The following NRG1 variants were observed in gnomAD, a reference collection of about 807,000 sequenced individuals.
NRG1 encodes pro-neuregulin-1, membrane-bound isoform.
In NRG1, 18 loss-of-function variants were observed where a neutral mutation model predicts 63.8. The observed-to-expected ratio is 0.28, with a 90% CI of 0.19 to 0.42. The LOEUF is 0.42. Among genes scored for constraint, NRG1 ranks in the 10% least tolerant of loss-of-function variants. The pLI is 1.00. For missense variants in NRG1, 762 were observed against 814.7 expected (o/e 0.94, Z 0.79); for synonymous variants, 302 against 301.3 (o/e 1.00, Z -0.02).
At chr8:32,351,564 C>A (rs762138328) in intron 1 of NRG1, among the ~76,000 whole-genome samples, 49 of 152,146 alleles carry the variant, frequency 3.2e-4, no homozygotes, top group Non-Finnish European at 2.1e-4. Flanking sequence ...CTCTTTACTT[C>A]CTACAGTTCC....
At chr8:31,653,563 T>C (rs1805119792) in intron 1 of NRG1, among the ~76,000 whole-genome samples, 1 of 152,230 alleles carries the variant, frequency 6.6e-6, no homozygotes, top group Admixed American at 6.5e-5. Flanking sequence ...TAATGGCCTT[T>C]CTATTCCCTG....
intron 1 of NRG1, among the ~76,000 whole-genome samples, chr8:31,773,795 C>G (rs1286085388): frequency 6.6e-6 from 1 of 152,058 alleles, no homozygotes. Flanking sequence ...TAATGATCCC[C>G]CCAGCTGATA....
intron 1 of NRG1, among the ~76,000 whole-genome samples, chr8:32,044,377 C>T (rs939249936): frequency 2.6e-5 from 4 of 151,756 alleles, no homozygotes; most frequent in Non-Finnish European, 5.9e-5. Context: ...ACAGTACTTT[C>T]TAGAAAATTG....
intron 1 of NRG1, among the ~76,000 whole-genome samples, chr8:32,193,304 TTGTGTG>T (rs142841681): frequency 6.8e-6 from 1 of 147,954 alleles, no homozygotes; most frequent in African/African-American, 2.5e-5. Flanking sequence ...TTTTCTACCT[TTGTGTG>T]TGTGTGTGTG....
intron 1 of NRG1, among the ~76,000 whole-genome samples, chr8:32,006,771 C>A (rs1813846295): frequency 1.3e-5 from 2 of 151,994 alleles, no homozygotes; most frequent in Admixed American, 1.3e-4. Context: ...AAAGTGGTTT[C>A]TTCCCCCACA....
intron 1 of NRG1, among the ~76,000 whole-genome samples, chr8:31,697,300 T>C (rs1448800102): frequency 4.6e-5 from 7 of 152,184 alleles, no homozygotes; most frequent in Non-Finnish European, 1.0e-4. Context: ...TTTGGTAGTT[T>C]TAATTTCTTT....
At chr8:31,714,528 T>A (rs910909935) in intron 1 of NRG1, among the ~76,000 whole-genome samples, 1 of 152,206 alleles carries the variant, frequency 6.6e-6, no homozygotes, top group East Asian at 1.9e-4. Flanking sequence ...GACTGCTTTG[T>A]TACTATTCTG....
At chr8:31,782,757 A>C (rs1819811052) in intron 1 of NRG1, among the ~76,000 whole-genome samples, 1 of 152,164 alleles carries the variant, frequency 6.6e-6, no homozygotes, top group Non-Finnish European at 1.5e-5. Flanking sequence ...GTGAATCGAC[A>C]GAGGATCTCG....
chr8:31,880,499 C>A (rs944895903), intron 1 of NRG1, among the ~76,000 whole-genome samples: 11 of 152,150 alleles, frequency 7.2e-5, no homozygotes, highest in Non-Finnish European at 1.5e-5. Context: ...TAGTACCTAT[C>A]ACACAAGATT....
chr8:31,873,112 C>T (rs1829628670), intron 1 of NRG1, among the ~76,000 whole-genome samples: 1 of 152,204 alleles, frequency 6.6e-6, no homozygotes, highest in East Asian at 1.9e-4. Flanking sequence ...TAGTTCACCT[C>T]AATTATACAC....
intron 1 of NRG1, among the ~76,000 whole-genome samples, chr8:32,194,850 G>A (rs1287983134): frequency 9.2e-5 from 14 of 151,774 alleles, no homozygotes; most frequent in Non-Finnish European, 2.1e-4. Context: ...GATGACTACT[G>A]CAAGGATGAA....
chr8:31,941,349 C>G (rs1328138012), intron 1 of NRG1, among the ~76,000 whole-genome samples: 4 of 152,072 alleles, frequency 2.6e-5, no homozygotes, highest in Non-Finnish European at 5.9e-5. Context: ...ATCCAATCTC[C>G]CTTTGTGACT....
chr8:32,548,380 G>A, exon 1 of NRG1: 3 of 1,042,692 alleles, frequency 2.9e-6, no homozygotes, highest in Non-Finnish European at 3.5e-6. Flanking sequence ...GACGATGGGA[G>A]CGTGAGCAGG....
At chr8:32,092,930 C>A (rs938280298) in intron 1 of NRG1, among the ~76,000 whole-genome samples, 2 of 152,018 alleles carry the variant, frequency 1.3e-5, no homozygotes, top group Non-Finnish European at 2.9e-5. Context: ...CTGACAATGA[C>A]CAAGGAGATG....
At chr8:32,294,774 T>C (rs548239786) in intron 1 of NRG1, among the ~76,000 whole-genome samples, 2 of 152,370 alleles carry the variant, frequency 1.3e-5, no homozygotes, top group South Asian at 4.1e-4. Context: ...TGTAGATTTC[T>C]AATTCTTTGT....
At chr8:31,775,132 A>G (rs777805799) in intron 1 of NRG1, among the ~76,000 whole-genome samples, 1 of 152,220 alleles carries the variant, frequency 6.6e-6, no homozygotes, top group Non-Finnish European at 1.5e-5. Context: ...TAAAAAAGAG[A>G]TACCTGTACT....
chr8:32,404,324 ACT>A (rs1813654761), intron 1 of NRG1, among the ~76,000 whole-genome samples: 1 of 152,104 alleles, frequency 6.6e-6, no homozygotes, highest in Non-Finnish European at 1.5e-5. Flanking sequence ...TGATCTGCAC[ACT>A]CATGTATTTT....
intron 5 of NRG1, among the ~76,000 whole-genome samples, chr8:32,697,403 T>A (rs1294524562): frequency 6.6e-6 from 1 of 152,254 alleles, no homozygotes; most frequent in Admixed American, 6.5e-5. Context: ...ATTTTTAGCT[T>A]GAACAAATTA....
intron 1 of NRG1, among the ~76,000 whole-genome samples, chr8:32,186,475 A>C (rs1841981263): frequency 1.3e-5 from 2 of 151,794 alleles, no homozygotes; most frequent in Non-Finnish European, 2.9e-5. Context: ...AAAAAAAAAA[A>C]AGAAAAAAGA....
Sources: allele counts gnomAD v4.1 joint callset (sites outside exome capture counted in the v4.1 genomes callset), GRCh38; gene constraint gnomAD v4.1.1; transcripts MANE v1.5; gene names NCBI Gene and HGNC (gene_info 2026-07-23, HGNC 2026-07-21).